CPXM2: variants seen among roughly 807,000 people sequenced by gnomAD.
The protein encoded by CPXM2 is carboxypeptidase X, M14 family member 2.
In CPXM2, 66 loss-of-function variants were observed where a neutral mutation model predicts 86.1. The ratio of observed to expected loss-of-function variants is 0.77; its 90% CI spans 0.63 to 0.94. The LOEUF is 0.94. Among genes scored for constraint, CPXM2 ranks in the 40% least tolerant of loss-of-function variants. The pLI is 0.00. For missense variants in CPXM2, 948 were observed against 1,026.3 expected (o/e 0.92, Z 1.04); for synonymous variants, 388 against 400.2 (o/e 0.97, Z 0.36).
At chr10:123,818,898 G>A (rs946502229) in intron 4 of CPXM2, among the ~76,000 whole-genome samples, 1 of 152,082 alleles carries the variant, frequency 6.6e-6, no homozygotes, top group Non-Finnish European at 1.5e-5. Flanking sequence ...GGAATCAAGG[G>A]GTGGAAGTGG....
In CPXM2 at chr10:123,750,329, C is replaced by T. The variant is rs1446413032; in HGVS notation, c.2018-3312G>A. 4 of 979,894 alleles carry T rather than the reference C, an allele frequency of 4.1e-6. No homozygotes were observed. The African/African-American group carries it at 7.0e-5, about 17-fold the overall frequency. 60.7% of individuals were successfully genotyped at this position (979,894 alleles called of 1,614,324 possible). On this transcript the variant is annotated intron_variant, in intron 13 of 13. Transcript: ENST00000241305. ...CCAACGCAGGTCCTGGGGGCCCCTT[C>T]CACATCATTGCACTCCACTGCTCCC...
At chr10:123,928,834 A>G (rs894458081) in intron 2 of CPXM2, among the ~76,000 whole-genome samples, 4 of 152,244 alleles carry the variant, frequency 2.6e-5, no homozygotes, top group Non-Finnish European at 4.4e-5. Flanking sequence ...AGCCATTCCC[A>G]CTGGCTTCTG....
chr10:123,782,842 G>A (rs565814029), intron 6 of CPXM2, among the ~76,000 whole-genome samples: 5 of 152,326 alleles, frequency 3.3e-5, no homozygotes, highest in Non-Finnish European at 5.9e-5. Context: ...CTAAGTCACA[G>A]GATGAGATAG....
rs1395887558 is a variant in CPXM2 at position 123,928,285 on chromosome 10, C to T, written n.174+11192G>A. On this transcript the variant is annotated intron_variant and non_coding_transcript_variant, in intron 2 of 19. Coordinates refer to the CPXM2 transcript ENST00000368854. ...AACCTCTCCAAAAACTCTTCAAAGACAGCCAGAGTGGATGGTCTGATGACC... is the reference window on the plus strand; with the variant it reads ...AACCTCTCCAAAAACTCTTCAAAGATAGCCAGAGTGGATGGTCTGATGACC... Among the ~76,000 whole-genome samples the T allele has an allele frequency of 2.6e-5, 4 of 152,344 alleles. No homozygotes were observed. In the East Asian group the frequency reaches 7.7e-4, roughly 29 times the overall value.
intron 4 of CPXM2, among the ~76,000 whole-genome samples, chr10:123,802,695 G>C (rs1452763884): frequency 6.6e-6 from 1 of 152,182 alleles, no homozygotes; most frequent in African/African-American, 2.4e-5. Context: ...CATAGGGTCA[G>C]AGGGTAGACA....
intron 2 of CPXM2, among the ~76,000 whole-genome samples, chr10:123,928,691 G>T (rs28566923): frequency 0.035 from 5,306 of 152,310 alleles, 300 homozygotes; most frequent in African/African-American, 0.12. Context: ...CCCGCTAACA[G>T]CCCTGGCTGA....
chr10:123,777,498 G>A (rs891548745), intron 7 of CPXM2: 18 of 152,200 alleles, frequency 1.2e-4, no homozygotes, highest in African/African-American at 3.2e-4. Context: ...ACAGAGGCCC[G>A]CCCTCCATAC....
At chr10:123,773,284 A>T (rs1163225401) in intron 7 of CPXM2, among the ~76,000 whole-genome samples, 3 of 134,482 alleles carry the variant, frequency 2.2e-5, no homozygotes, top group Non-Finnish European at 4.8e-5. Context: ...CACCTCCCTC[A>T]TTGTGGTTAT....
intron 6 of CPXM2, among the ~76,000 whole-genome samples, chr10:123,794,696 A>G (rs1847286361): frequency 6.6e-6 from 1 of 151,100 alleles, no homozygotes; most frequent in Non-Finnish European, 1.5e-5. Context: ...GTTTTTTATT[A>G]ATAGCAATCA....
intron 4 of CPXM2, among the ~76,000 whole-genome samples, chr10:123,800,448 G>A (rs1244800078): frequency 6.6e-6 from 1 of 152,084 alleles, no homozygotes; most frequent in Non-Finnish European, 1.5e-5. Flanking sequence ...AAGCACCTCG[G>A]CAACAGCTCC....
At chr10:123,867,347 G>A (rs28649054) in intron 2 of CPXM2, among the ~76,000 whole-genome samples, 99,708 of 151,960 alleles carry the variant, frequency 0.66, 33,701 homozygotes, top group African/African-American at 0.74. Context: ...AAAGTAAGGG[G>A]CTAGAAAATA....
At chr10:123,921,820 C>G (rs891883037) in intron 2 of CPXM2, among the ~76,000 whole-genome samples, 1 of 152,196 alleles carries the variant, frequency 6.6e-6, no homozygotes, top group Admixed American at 6.5e-5. Context: ...TAAAGGTTTG[C>G]AATTCCCTGG....
chr10:123,771,815 G>A (rs941507158), intron 7 of CPXM2, among the ~76,000 whole-genome samples: 6 of 152,096 alleles, frequency 3.9e-5, no homozygotes, highest in African/African-American at 1.4e-4. Context: ...AACATCTGAT[G>A]GTTTTATTAA....
intron 7 of CPXM2, chr10:123,777,743 C>CAAA (rs1846830296): frequency 6.5e-6 from 1 of 152,730 alleles, no homozygotes; most frequent in East Asian, 1.9e-4. Context: ...GACAGCTGAC[C>CAAA]CCCTCTGCAA....
intron 4 of CPXM2, among the ~76,000 whole-genome samples, chr10:123,807,995 G>A (rs916474317): frequency 2.0e-5 from 3 of 152,112 alleles, no homozygotes; most frequent in South Asian, 2.1e-4. Context: ...TCTTGACTGC[G>A]GAATGAGGAG....
chr10:123,796,615 T>G (rs769739330), intron 6 of CPXM2, among the ~76,000 whole-genome samples: 2 of 152,260 alleles, frequency 1.3e-5, no homozygotes, highest in African/African-American at 2.4e-5. Flanking sequence ...TCATGAATAC[T>G]ACGGGATTGA....
At chr10:123,876,773 T>C (rs974139927) in intron 2 of CPXM2, among the ~76,000 whole-genome samples, 10 of 152,206 alleles carry the variant, frequency 6.6e-5, no homozygotes, top group Admixed American at 2.0e-4. Flanking sequence ...AGACGGTAAA[T>C]TAAAGTCACA....
intron 4 of CPXM2, among the ~76,000 whole-genome samples, chr10:123,840,082 C>T (rs988966940): frequency 1.3e-5 from 2 of 152,116 alleles, no homozygotes; most frequent in South Asian, 2.1e-4. Flanking sequence ...AATAATAACC[C>T]GACTACTGGG....
intron 6 of CPXM2, among the ~76,000 whole-genome samples, chr10:123,785,328 T>C (rs904156602): frequency 1.3e-5 from 2 of 152,168 alleles, no homozygotes. Context: ...GCACCGCCCT[T>C]ATGATGATTT....
Sources: gnomAD v4.1 joint callset for allele counts (sites outside exome capture counted in the v4.1 genomes callset) on GRCh38, gnomAD v4.1.1 for gene constraint, MANE v1.5 for transcripts, NCBI Gene and HGNC (gene_info 2026-07-23, HGNC 2026-07-21) for gene names.